TRPM3: variants seen among roughly 807,000 people sequenced by gnomAD.
TRPM3 encodes the protein transient receptor potential cation channel subfamily M member 3, also known as long transient receptor potential channel 3.
A neutral mutation model predicts 181.2 loss-of-function variants in TRPM3; 77 were observed. That is an observed-to-expected ratio of 0.42 (90% CI 0.35 to 0.51). The LOEUF (loss-of-function observed/expected upper bound fraction) is 0.51. Ranked by LOEUF, TRPM3 falls within the 20% of genes least tolerant of loss-of-function variation. The pLI is 0.01. For missense variants in TRPM3, 1,759 were observed against 2,196.7 expected (o/e 0.80, Z 3.98); for synonymous variants, 745 against 796.4 (o/e 0.94, Z 1.09).
chr9:71,052,863 C>CAGG (rs1408999643), intron 1 of TRPM3, among the ~76,000 whole-genome samples: 5 of 151,984 alleles, frequency 3.3e-5, no homozygotes, highest in African/African-American at 1.2e-4. Flanking sequence ...AGTCAAAGAA[C>CAGG]AGGAGTCCAT....
At chr9:71,340,624 A>G (rs770263395) in intron 1 of TRPM3, among the ~76,000 whole-genome samples, 3 of 152,096 alleles carry the variant, frequency 2.0e-5, no homozygotes, top group African/African-American at 7.2e-5. Flanking sequence ...TTTAAGTCCA[A>G]TAAACCTCTT....
At chr9:71,183,230 T>A (rs2077502680) in intron 1 of TRPM3, among the ~76,000 whole-genome samples, 1 of 152,120 alleles carries the variant, frequency 6.6e-6, no homozygotes, top group African/African-American at 2.4e-5. Flanking sequence ...AGTCAAACTC[T>A]GCAAGGTCAA....
intron 9 of TRPM3, among the ~76,000 whole-genome samples, chr9:70,652,955 T>G (rs1030629421): frequency 1.3e-5 from 2 of 152,130 alleles, no homozygotes; most frequent in African/African-American, 4.8e-5. Context: ...GGAGAAAGGT[T>G]AGATGCTACC....
At chr9:70,594,093 C>CA (rs2132579053) in intron 21 of TRPM3, among the ~76,000 whole-genome samples, 1 of 137,452 alleles carries the variant, frequency 7.3e-6, no homozygotes, top group Admixed American at 7.8e-5. Flanking sequence ...AAAATAATTA[C>CA]AAAAACAAAA....
chr9:71,386,841 G>A (rs921924996), intron 1 of TRPM3, among the ~76,000 whole-genome samples: 36 of 152,030 alleles, frequency 2.4e-4, no homozygotes, highest in Non-Finnish European at 4.7e-4. Context: ...TCAGTGTTCC[G>A]TAAAAATCAA....
intron 1 of TRPM3, among the ~76,000 whole-genome samples, chr9:70,889,601 G>A (rs1178269877): frequency 6.6e-6 from 1 of 152,066 alleles, no homozygotes; most frequent in Non-Finnish European, 1.5e-5. Context: ...TGACTTTCAG[G>A]AATCTCCTAA....
rs112890355 is a variant in TRPM3 at position 70,671,539 on chromosome 9, A to G, written c.1345+9967T>C. Among the ~76,000 whole-genome samples, 4 of 18,850 alleles carry G rather than the reference A, an allele frequency of 2.1e-4. 1 individual carries two copies. The highest frequency in any genetic ancestry group is 1.6e-3 in the African/African-American group (4 of 2,442). 12.4% of individuals were successfully genotyped at this position (18,850 alleles called of 152,430 possible). A position where few individuals can be genotyped will look rare whatever the true frequency, so the allele number is the denominator to read the frequency against. On this transcript the variant is annotated intron_variant, in intron 9 of 25. Coordinates refer to ENST00000677713, the MANE Select transcript of TRPM3 (RefSeq NM_001366145.2). ...TAAAAAAGGTAACAGTGATTATTAT[A>G]ATAAACATTATATGGTAAGTAATGG... is the stretch of plus-strand genomic sequence containing the variant.
intron 14 of TRPM3, among the ~76,000 whole-genome samples, chr9:70,622,216 C>A (rs903758933): frequency 1.3e-5 from 2 of 152,068 alleles, no homozygotes; most frequent in Non-Finnish European, 1.5e-5. Context: ...TAAATCTGCT[C>A]GTCCCTAGAT....
At chr9:71,332,376 G>GCGCGCGTGTGT (rs2090261288) in intron 1 of TRPM3, among the ~76,000 whole-genome samples, 22 of 142,248 alleles carry the variant, frequency 1.5e-4, no homozygotes, top group South Asian at 4.6e-4. Context: ...TTCAATGTTG[G>GCGCGCGTGTGT]GTGTGTGTGT....
chr9:70,818,374 A>G (rs1282266799), intron 6 of TRPM3, among the ~76,000 whole-genome samples: 1 of 152,236 alleles, frequency 6.6e-6, no homozygotes, highest in Non-Finnish European at 1.5e-5. Context: ...TTATTCAGCT[A>G]GAAACTTGAT....
chr9:71,406,710 T>C (rs2093441983), intron 1 of TRPM3, among the ~76,000 whole-genome samples: 1 of 152,184 alleles, frequency 6.6e-6, no homozygotes. Context: ...TTTGCATCAG[T>C]GCCTTTAAGA....
rs940164576 is a variant in TRPM3, at chr9:70,636,927, A to T, written c.1582-1666T>A. On this transcript the variant is annotated intron_variant, in intron 11 of 25. Coordinates refer to ENST00000677713, the MANE Select transcript of TRPM3 (RefSeq NM_001366145.2). ...GGTCTCAAACTCCTGACCTCAAGTG[A>T]TCCATCCGCCTTGGCCTCCCAAAGT... Among the ~76,000 whole-genome samples, 5 of 152,200 alleles carry T rather than the reference A, an allele frequency of 3.3e-5. No homozygotes were observed. The East Asian group carries it at 9.7e-4, about 29-fold the overall frequency.
chr9:70,695,287 A>G (rs922574220), intron 8 of TRPM3, among the ~76,000 whole-genome samples: 2 of 152,232 alleles, frequency 1.3e-5, no homozygotes, highest in African/African-American at 4.8e-5. Context: ...TTCTTCCTCA[A>G]ATAAGTGAAA....
At chr9:70,797,673 T>C (rs1480266480) in intron 6 of TRPM3, among the ~76,000 whole-genome samples, 1 of 152,204 alleles carries the variant, frequency 6.6e-6, no homozygotes, top group African/African-American at 2.4e-5. Flanking sequence ...AGAAGGAATT[T>C]TTCCTATGCA....
At chr9:71,037,611 C>T (rs989008732) in intron 1 of TRPM3, among the ~76,000 whole-genome samples, 2 of 152,252 alleles carry the variant, frequency 1.3e-5, no homozygotes, top group African/African-American at 2.4e-5. Context: ...TTCTTGCTTA[C>T]TGCAGTCTTA....
chr9:70,761,868 G>T (rs1380574396), intron 7 of TRPM3, 144 bp from the exon 8 acceptor site: 6 of 949,376 alleles, frequency 6.3e-6, no homozygotes, highest in African/African-American at 1.7e-5. Context: ...AAGGTATCCC[G>T]CCTGTGATAA....
chr9:71,309,852 C>T (rs929129158), intron 1 of TRPM3, among the ~76,000 whole-genome samples: 11 of 151,988 alleles, frequency 7.2e-5, no homozygotes, highest in Admixed American at 6.6e-5. Flanking sequence ...CCTCAGCATG[C>T]TATTTTTAAA....
At chr9:71,396,923 G>A (rs983211252) in intron 1 of TRPM3, among the ~76,000 whole-genome samples, 6 of 148,768 alleles carry the variant, frequency 4.0e-5, no homozygotes, top group Non-Finnish European at 7.4e-5. Context: ...CCTAGATCGC[G>A]CCACTGCACT....
At chr9:70,977,939 T>A (rs886879894) in intron 1 of TRPM3, among the ~76,000 whole-genome samples, 4 of 152,210 alleles carry the variant, frequency 2.6e-5, no homozygotes, top group Non-Finnish European at 5.9e-5. Context: ...AGGGGCTTTA[T>A]GAAAGCATGA....
Sources: gnomAD v4.1 joint callset for allele counts (sites outside exome capture counted in the v4.1 genomes callset) on GRCh38, gnomAD v4.1.1 for gene constraint, MANE v1.5 for transcripts, NCBI Gene and HGNC (gene_info 2026-07-23, HGNC 2026-07-21) for gene names.